The following ZNFX1 variants were observed in gnomAD, a reference collection of about 807,000 sequenced individuals.
ZNFX1 encodes NFX1-type zinc finger-containing protein 1.
A neutral mutation model predicts 179.8 loss-of-function variants in ZNFX1; 78 were observed. The ratio of observed to expected loss-of-function variants is 0.43; its 90% CI spans 0.36 to 0.52. The LOEUF (loss-of-function observed/expected upper bound fraction) is 0.52. ZNFX1 is among the 20% of genes least tolerant of loss of function. ZNFX1 has a pLI of 0.00. For missense variants in ZNFX1, 1,927 were observed against 2,386.6 expected (o/e 0.81, Z 4.01); for synonymous variants, 848 against 868.5 (o/e 0.98, Z 0.42).
chr20:49,249,817 C>A, intron 13 of ZNFX1, 106 bp from the exon 14 acceptor site: 1 of 1,279,432 alleles, frequency 7.8e-7, no homozygotes, highest in Non-Finnish European at 1.1e-6. Flanking sequence ...AGAGAGAGAC[C>A]TTGGAAAGCT....
At position 49,246,216 on chromosome 20, in the gene ZNFX1, C is replaced by G. The variant is rs1980667280; in HGVS notation, c.*1051G>C. On this transcript the variant is annotated 3_prime_UTR_variant, in exon 14 of 14. Coordinates refer to ENST00000396105, the MANE Select transcript of ZNFX1 (RefSeq NM_021035.3). Reference sequence around the variant, plus strand: ...TACCAAATGTGATTTTAGCTCCATTCAGGGCCCAGGGGTAACCAGCAGTGC... The same window carrying G: ...TACCAAATGTGATTTTAGCTCCATTGAGGGCCCAGGGGTAACCAGCAGTGC... 2 of 152,234 alleles carry G rather than the reference C, an allele frequency of 1.3e-5. No individual in the cohort carries two copies. Among genetic ancestry groups the G allele is most frequent in the Admixed American group, 1.3e-4 (2 of 15,268 alleles). 9.4% of individuals were successfully genotyped at this position (152,234 alleles called of 1,614,324 possible).
Position 49,264,766 on chromosome 20 carries a change from G to A in ZNFX1, c.2101C>T (p.Arg701Trp), listed in dbSNP as rs371904438. ...ATGGGGAGGTTGCGGCGGAATTCCC[G>A]CTTGTTCCTCAGCTCCCTTAGGGTG... ...QFTLRELRNK[R>W]EFRRNLPMHL... The change falls in exon 5 of 14, where the codon CGG (arginine) becomes TGG (tryptophan). Residue 701 changes from arginine (R) to tryptophan (W), a missense_variant. Arg to Trp is a moderately radical substitution (Grantham distance 101, BLOSUM62 -3). Transcript: ENST00000396105. The A allele has an allele frequency of 9.7e-5, 156 of 1,614,090 alleles. No homozygotes were observed. The highest frequency in any genetic ancestry group is 6.4e-4 in the African/African-American group (48 of 75,026).
chr20:49,266,399 T>A, intron 3 of ZNFX1, 133 bp from the exon 4 acceptor site: 2 of 955,500 alleles, frequency 2.1e-6, no homozygotes, highest in Non-Finnish European at 2.9e-6. Context: ...GTACATTGTA[T>A]ATTGTGAAAA....
rs1981364050 is a variant in ZNFX1, at chr20:49,270,767, C to T, written c.1045G>A (p.Glu349Lys). 1 of 1,614,188 alleles carries T rather than the reference C, an allele frequency of 6.2e-7. No homozygotes were observed. Among genetic ancestry groups the T allele is most frequent in the East Asian group, 2.2e-5 (1 of 44,882 alleles). ...YPTYNEVHLDERPFLRPNIIS... is the reference protein window; with the variant it reads ...YPTYNEVHLDKRPFLRPNIIS... ...ATATTGGGGCGAAGGAAGGGCCTCT[C>T]ATCCAAGTGCACTTCATTGTAGGTA... Residue 349 changes from glutamate to lysine, a missense_variant, in exon 3 of 14, where the codon GAG becomes AAG. Coordinates refer to ENST00000396105, the MANE Select transcript of ZNFX1 (RefSeq NM_021035.3). This position sits in a 1 kb window ranked among gnomAD's most constrained non-coding sequence, Gnocchi z 4.6.
In ZNFX1 at chr20:49,247,815, C is replaced by T; in HGVS notation, c.5209G>A (p.Val1737Ile). Residue 1737 changes from valine to isoleucine, a missense_variant, in exon 14 of 14, where the codon GTC (valine) becomes ATC (isoleucine). By Grantham distance (29) the Val-to-Ile change is conservative (BLOSUM62 3). Coordinates refer to ENST00000396105, the MANE Select transcript of ZNFX1 (RefSeq NM_021035.3). ...CGCTTCTTGGCCAGCCACTCATGGA[C>T]CTGTTCTAGTCGAGTCCTCACTCTT... ...EKRVRTRLEQ[V>I]HEWLAKKRLS... 1.2e-6 allele frequency: 2 copies of T among 1,614,122 alleles called. No individual in the cohort carries two copies. The highest frequency in any genetic ancestry group is 1.7e-6 in the Non-Finnish European group (2 of 1,180,026).
intron 2 of ZNFX1, among the ~76,000 whole-genome samples, chr20:49,274,987 G>C (rs955839967): frequency 6.6e-6 from 1 of 151,414 alleles, no homozygotes; most frequent in South Asian, 2.1e-4. Context: ...GCCGGGCGTG[G>C]TGGTGGGCAC....
In ZNFX1 at chr20:49,257,504, C is replaced by G. The variant is rs368774948; in HGVS notation, c.2577G>C (p.Glu859Asp). Residue 859 changes from glutamate (E) to aspartate (D), a missense_variant, in exon 8 of 14, where the codon GAG becomes GAC. Transcript: ENST00000396105. ...TCATGGCCAGAAGCATTTTAGCCAA[C>G]TCCTGGTCTGCTCCACTCTCTTCCT... ...RKKEESGADQ[E>D]LAKMLLAMRL... 1.2e-6 allele frequency: 2 copies of G among 1,614,004 alleles called. No individual in the cohort carries two copies. The highest frequency in any genetic ancestry group is 1.7e-6 in the Non-Finnish European group (2 of 1,180,006).
At chr20:49,265,318 T>A (rs750471635) in intron 4 of ZNFX1, among the ~76,000 whole-genome samples, 3 of 152,274 alleles carry the variant, frequency 2.0e-5, no homozygotes, top group Non-Finnish European at 2.9e-5. Context: ...TGCTCATATG[T>A]TTTAGGCATG....
chr20:49,262,338 G>A (rs953656556), intron 6 of ZNFX1, among the ~76,000 whole-genome samples: 10 of 151,098 alleles, frequency 6.6e-5, no homozygotes, highest in Admixed American at 2.0e-4. Flanking sequence ...CCCGGGAGGC[G>A]GAGGTTGTAG....
intron 9 of ZNFX1, 70 bp downstream of exon 9, chr20:49,255,738 G>C: frequency 6.6e-7 from 1 of 1,514,112 alleles, no homozygotes; most frequent in Non-Finnish European, 8.9e-7. Context: ...GAAGGTCTTG[G>C]AGGTGGAGAA....
chr20:49,269,806 T>C (rs2146741176), intron 3 of ZNFX1, 136 bp downstream of exon 3: 1 of 1,049,674 alleles, frequency 9.5e-7, no homozygotes, highest in African/African-American at 1.6e-5. Context: ...CCTGCACATG[T>C]ACCCCTAAAC....
At position 49,247,927 on chromosome 20, in the gene ZNFX1, C is replaced by A. The variant is rs779455327; in HGVS notation, c.5097G>T (p.Leu1699=). ...AGCTGATGTAATTCTCAACCAGACC[C>A]AGGTCCTTCACTGACAGATTTTTCT... The part of the protein sequence containing the change: ...LAQKNLSVKD[L]GLVENYISFY... Residue 1699 remains leucine, a synonymous_variant, in exon 14 of 14, where the codon CTG becomes CTT. Coordinates refer to ENST00000396105, the MANE Select transcript of ZNFX1 (RefSeq NM_021035.3). The A allele has an allele frequency of 3.7e-6, 6 of 1,613,996 alleles. No individual in the cohort carries two copies. The African/African-American group carries it at 6.7e-5, about 18-fold the overall frequency.
rs149657103 is a variant in ZNFX1 at position 49,257,648 on chromosome 20, A to G, written c.2433T>C (p.Asp811=). ...TCTCCTCCTCCCCTTCTTCCTCCTC[A>G]TCCCCTTCTGCCTGGGCTAAGAGAG... ...GPENTAQAEG[D]EEEEGEEESS... The change falls in exon 8 of 14, where the codon GAT becomes GAC. Residue 811 remains aspartate (D), a synonymous_variant. Coordinates refer to ENST00000396105, the MANE Select transcript of ZNFX1 (RefSeq NM_021035.3). 3.7e-6 allele frequency: 6 copies of G among 1,610,324 alleles called. No homozygotes were observed. The highest frequency in any genetic ancestry group is 1.6e-4 in the Middle Eastern group (1 of 6,072).
chr20:49,264,845 C>T lies in ZNFX1; in HGVS notation c.2022G>A (p.Lys674=), dbSNP rs147430984. ...QFLEGIYNCQ[K]TSIVRVGGRS... The stretch of plus-strand genomic sequence containing the variant: ...TTCCACCCACCCGCACAATGCTGGT[C>T]TTCTGACAATTGTAGATGCCTGTGG... Residue 674 remains lysine, a synonymous_variant, in exon 5 of 14, where the codon AAG becomes AAA. Transcript: ENST00000396105. 3.9e-5 allele frequency: 63 copies of T among 1,614,078 alleles called. No homozygotes were observed. The highest frequency in any genetic ancestry group is 1.6e-4 in the Middle Eastern group (1 of 6,084).
At chr20:49,272,658 G>A (rs1981446340) in intron 2 of ZNFX1, among the ~76,000 whole-genome samples, 2 of 152,186 alleles carry the variant, frequency 1.3e-5, no homozygotes, top group South Asian at 4.1e-4. Flanking sequence ...GAGACATCAA[G>A]TGAAATAATA....
At position 49,249,434 on chromosome 20, in the gene ZNFX1, A is replaced by C; in HGVS notation, c.3590T>G (p.Leu1197Arg). ...YQGEENDIIL[L>R]SLVRSNQEGK... ...TTCTTGGTTGCTCCGCACTAGCGAG[A>C]GGAGGATGATGTCATTCTCTTCCCC... Residue 1197 changes from leucine (L) to arginine (R), a missense_variant, in exon 14 of 14, where the codon CTC (leucine) becomes CGC (arginine). Leu to Arg is a moderately radical substitution (Grantham distance 102, BLOSUM62 -2). Coordinates refer to ENST00000396105, the MANE Select transcript of ZNFX1 (RefSeq NM_021035.3). 6.2e-7 allele frequency: 1 copy of C among 1,614,228 alleles called. No individual in the cohort carries two copies. Among genetic ancestry groups the C allele is most frequent in the Non-Finnish European group, 8.5e-7 (1 of 1,180,050 alleles).
At chr20:49,252,270 T>C (rs1483221349) in intron 12 of ZNFX1, among the ~76,000 whole-genome samples, 4 of 151,630 alleles carry the variant, frequency 2.6e-5, no homozygotes, top group African/African-American at 9.7e-5. Context: ...GCCTCCTGAG[T>C]AGCTGGGATT....
In ZNFX1 at chr20:49,247,464, T is replaced by G; in HGVS notation, c.5560A>C (p.Ile1854Leu). 6.2e-7 allele frequency: 1 copy of G among 1,614,148 alleles called. No individual in the cohort carries two copies. Among genetic ancestry groups the G allele is most frequent in the Non-Finnish European group, 8.5e-7 (1 of 1,180,024 alleles). ...GHWFKCRNGH[I>L]YVIGDCGGAM... ...CCCCCACAATCGCCAATCACATAGATATGGCCATTGCGGCACTTGAACCAG... is the reference window on the plus strand; with the variant it reads ...CCCCCACAATCGCCAATCACATAGAGATGGCCATTGCGGCACTTGAACCAG... The change falls in exon 14 of 14, where the codon ATC (isoleucine) becomes CTC (leucine). Residue 1854 changes from isoleucine to leucine, a missense_variant. Coordinates refer to ENST00000396105, the MANE Select transcript of ZNFX1 (RefSeq NM_021035.3).
intron 7 of ZNFX1, among the ~76,000 whole-genome samples, chr20:49,258,100 T>C (rs1409248165): frequency 1.3e-5 from 2 of 148,644 alleles, no homozygotes; most frequent in East Asian, 4.0e-4. Context: ...TTTATGTGAT[T>C]TTTTTTTTTT....
Sources: allele counts gnomAD v4.1 joint callset (sites outside exome capture counted in the v4.1 genomes callset), GRCh38; gene constraint gnomAD v4.1.1; non-coding constraint Gnocchi (gnomAD v3.1); transcripts MANE v1.5; gene names NCBI Gene and HGNC (gene_info 2026-07-23, HGNC 2026-07-21).